ADK: variants seen among roughly 807,000 people sequenced by gnomAD.
ADK encodes the protein N6,N6-dimethyladenosine kinase.
A neutral mutation model predicts 44.7 loss-of-function variants in ADK; 24 were observed. The observed-to-expected ratio is 0.54, with a 90% CI of 0.39 to 0.76. The LOEUF (loss-of-function observed/expected upper bound fraction) is 0.76, where lower values mean the gene tolerates loss of function less well. Among genes scored for constraint, ADK ranks in the 30% least tolerant of loss-of-function variants. The probability of loss-of-function intolerance (pLI) is 0.00; values close to 1 mark genes in which losing one functional copy is unlikely to be tolerated. For missense variants in ADK, 321 were observed against 425.1 expected, an observed-to-expected ratio of 0.76 and a Z score of 2.15; for synonymous variants, 128 against 142.6, an observed-to-expected ratio of 0.90 and a Z score of 0.73.
At chr10:74,167,170 T>C (rs1225075695) in intron 1 of ADK, among the ~76,000 whole-genome samples, 1 of 152,152 alleles carries the variant, frequency 6.6e-6, no homozygotes, top group African/African-American at 2.4e-5. Flanking sequence ...TAAAAAAATA[T>C]AAATGTAGAA....
At chr10:74,266,382 C>A (rs573009896) in intron 3 of ADK, among the ~76,000 whole-genome samples, 1 of 152,066 alleles carries the variant, frequency 6.6e-6, no homozygotes, top group Non-Finnish European at 1.5e-5. Context: ...CATGATGAAA[C>A]CCCGTCTCTA....
chr10:74,647,029 G>C (rs1484131203), intron 9 of ADK, among the ~76,000 whole-genome samples: 1 of 151,724 alleles, frequency 6.6e-6, no homozygotes, highest in Non-Finnish European at 1.5e-5. Flanking sequence ...CAAATTAAAA[G>C]GTATTAAATT....
At chr10:74,280,421 C>CACACAG (rs1846890864) in intron 3 of ADK, among the ~76,000 whole-genome samples, 1 of 151,506 alleles carries the variant, frequency 6.6e-6, no homozygotes, top group Admixed American at 6.6e-5. Flanking sequence ...TTTAAACACA[C>CACACAG]ACACACACAC....
At chr10:74,433,687 C>T (rs1328537157) in intron 6 of ADK, among the ~76,000 whole-genome samples, 1 of 151,384 alleles carries the variant, frequency 6.6e-6, no homozygotes, top group Non-Finnish European at 1.5e-5. Flanking sequence ...TCATTTAAGT[C>T]AGTCATTCAG....
intron 7 of ADK, among the ~76,000 whole-genome samples, chr10:74,553,195 T>G (rs1040473626): frequency 2.2e-4 from 23 of 103,060 alleles, no homozygotes; most frequent in African/African-American, 9.3e-4. Flanking sequence ...ATTGTGTTTT[T>G]TTTTTTTTTT....
At position 74,288,706 on chromosome 10, in the gene ADK, T is replaced by C. The variant is rs111470004; in HGVS notation, c.195-25961T>C. Among the ~76,000 whole-genome samples, 801 of 152,312 alleles carry C rather than the reference T, an allele frequency of 5.3e-3. 11 individuals carry two copies. Among genetic ancestry groups the C allele is most frequent in the African/African-American group, 0.017 (724 of 41,562 alleles). On this transcript the variant is annotated intron_variant, in intron 3 of 10. Transcript: ENST00000539909. ...CTTCATTACAGAGTAAAAAGTCTTATTACGTTTTTCTGGCCAAAATTTATA... is the reference window on the plus strand; with the variant it reads ...CTTCATTACAGAGTAAAAAGTCTTACTACGTTTTTCTGGCCAAAATTTATA...
rs77834208 is a variant in ADK at position 74,707,280 on chromosome 10, C to T, written c.965-1041C>T. ...CAAACTCCTGAGCTCAAGCAATTCACCCATCTTGGCCTCTCAGAGTGCTGG... is the reference window on the plus strand; with the variant it reads ...CAAACTCCTGAGCTCAAGCAATTCATCCATCTTGGCCTCTCAGAGTGCTGG... On this transcript the variant is annotated intron_variant, in intron 10 of 10. Transcript: ENST00000539909. Among the ~76,000 whole-genome samples the T allele has an allele frequency of 3.5e-3, 529 of 152,272 alleles. 6 individuals are homozygous for T. Among genetic ancestry groups the T allele is most frequent in the East Asian group, 0.034 (174 of 5,192 alleles).
chr10:74,240,372 TTGTGTGTGTGTG>T (rs142465407), intron 3 of ADK, among the ~76,000 whole-genome samples: 3 of 147,138 alleles, frequency 2.0e-5, no homozygotes, highest in Admixed American at 6.8e-5. Flanking sequence ...TCCTTTTATT[TTGTGTGTGTGTG>T]TGTGTGTGTG....
intron 1 of ADK, among the ~76,000 whole-genome samples, chr10:74,195,838 G>A (rs1400190506): frequency 6.6e-6 from 1 of 150,624 alleles, no homozygotes; most frequent in African/African-American, 2.4e-5. Context: ...CACCACACGC[G>A]GCTAATTTTT....
chr10:74,555,110 A>T (rs543111575), intron 7 of ADK, among the ~76,000 whole-genome samples: 37 of 152,300 alleles, frequency 2.4e-4, no homozygotes, highest in African/African-American at 8.9e-4. Flanking sequence ...CAGCCTGGGC[A>T]ACATAGGGAG....
intron 10 of ADK, among the ~76,000 whole-genome samples, chr10:74,704,629 A>G (rs559117007): frequency 4.6e-4 from 70 of 152,356 alleles, no homozygotes; most frequent in Middle Eastern, 6.8e-3. Flanking sequence ...TGTCAAAGCA[A>G]AAGATTCTTC....
rs371518336 is a variant in ADK, at chr10:74,166,825, CT to C, written c.65+15484del. 3.7e-4 allele frequency among the ~76,000 whole-genome samples: 57 copies of C among 152,104 alleles called. 2 individuals are homozygous for C. The highest frequency in any genetic ancestry group is 1.3e-3 in the African/African-American group (56 of 41,484). ...CTCAGTTCTGAGGTGTTTATATGAG[CT>C]TGTGAGGAACTTCTGGTTACAAACT... On this transcript the variant is annotated intron_variant, in intron 1 of 10. Coordinates refer to ENST00000539909, the MANE Select transcript of ADK (RefSeq NM_006721.4).
intron 9 of ADK, 61 bp from the exon 10 acceptor site, chr10:74,670,122 T>G: frequency 2.3e-6 from 3 of 1,279,676 alleles, no homozygotes; most frequent in Middle Eastern, 1.8e-4. Context: ...TGTTACTGGG[T>G]GAGCTTGTAT....
At chr10:74,557,947 AC>A (rs1407461731) in intron 7 of ADK, among the ~76,000 whole-genome samples, 1 of 152,178 alleles carries the variant, frequency 6.6e-6, no homozygotes, top group East Asian at 1.9e-4. Flanking sequence ...TTTGGCCTTA[AC>A]ATAGGTTAGT....
At chr10:74,248,113 G>A (rs1845497088) in intron 3 of ADK, among the ~76,000 whole-genome samples, 1 of 152,094 alleles carries the variant, frequency 6.6e-6, no homozygotes. Flanking sequence ...AAGATAATTA[G>A]GATATACATA....
chr10:74,528,206 C>A, intron 7 of ADK: 2 of 510,886 alleles, frequency 3.9e-6, no homozygotes, highest in Non-Finnish European at 6.6e-6. Flanking sequence ...TACATATCTG[C>A]AAAAATGGAT....
At chr10:74,155,508 C>A (rs1188573149) in intron 1 of ADK, among the ~76,000 whole-genome samples, 1 of 151,916 alleles carries the variant, frequency 6.6e-6, no homozygotes, top group Non-Finnish European at 1.5e-5. Flanking sequence ...TTTTTCTAGA[C>A]CCTATATATA....
intron 6 of ADK, among the ~76,000 whole-genome samples, chr10:74,473,258 A>AT (rs768612458): frequency 1.1e-4 from 16 of 152,116 alleles, no homozygotes; most frequent in Non-Finnish European, 2.1e-4. Context: ...AAATAGTTTT[A>AT]TTTTGAAATA....
chr10:74,334,336 C>G (rs1010504163), intron 4 of ADK, among the ~76,000 whole-genome samples: 3 of 152,142 alleles, frequency 2.0e-5, no homozygotes, highest in African/African-American at 7.2e-5. Context: ...TGTTCCCAGA[C>G]AAAAAGCAAG....
Sources: gnomAD v4.1 joint callset for allele counts (sites outside exome capture counted in the v4.1 genomes callset) on GRCh38, gnomAD v4.1.1 for gene constraint, MANE v1.5 for transcripts, NCBI Gene and HGNC (gene_info 2026-07-23, HGNC 2026-07-21) for gene names.